Variants in PTPRD observed in about 807,000 individuals in gnomAD.
PTPRD encodes receptor-type tyrosine-protein phosphatase delta.
In PTPRD, 34 loss-of-function variants were observed where a neutral mutation model predicts 214.5. That is an observed-to-expected ratio of 0.16 (90% CI 0.12 to 0.21). The LOEUF is 0.21. Ranked by LOEUF, PTPRD falls within the 10% of genes least tolerant of loss-of-function variation. The pLI is 1.00. For missense variants in PTPRD, 2,545 were observed against 2,398.7 expected (o/e 1.06, Z -1.27); for synonymous variants, 1,128 against 845.7 (o/e 1.33, Z -5.79).
At position 10,186,499 on chromosome 9, in the gene PTPRD, T is replaced by A. The variant is rs1005765431; in HGVS notation, c.-544-152709A>T. 4.6e-5 allele frequency among the ~76,000 whole-genome samples: 7 copies of A among 152,148 alleles called. No homozygotes were observed. The East Asian group carries it at 1.3e-3, about 29-fold the overall frequency. On this transcript the variant is annotated intron_variant, in intron 3 of 45. Coordinates refer to ENST00000381196, the MANE Select transcript of PTPRD (RefSeq NM_002839.4). ...GATAGATGAAAGCATGAGGCTATTA[T>A]AACACAATGCATTTATCATCTTTAC...
At chr9:8,843,393 C>T (rs2097606403) in intron 11 of PTPRD, among the ~76,000 whole-genome samples, 1 of 152,156 alleles carries the variant, frequency 6.6e-6, no homozygotes, top group Admixed American at 6.5e-5. Flanking sequence ...TACATAAATG[C>T]TGTACACCTT....
intron 2 of PTPRD, among the ~76,000 whole-genome samples, chr9:10,522,359 T>C (rs906363454): frequency 6.6e-6 from 1 of 152,204 alleles, no homozygotes; most frequent in Admixed American, 6.5e-5. Context: ...GTGGTGCTTA[T>C]ATATGATAAT....
At chr9:10,503,208 C>A (rs10959126) in intron 2 of PTPRD, among the ~76,000 whole-genome samples, 63,019 of 116,118 alleles carry the variant, frequency 0.54, 17,705 homozygotes, top group South Asian at 0.71. Flanking sequence ...AAAAAAAAAA[C>A]AAAAAAAAAC....
chr9:9,930,734 ATTAT>A (rs2086206212), intron 5 of PTPRD, among the ~76,000 whole-genome samples: 1 of 152,140 alleles, frequency 6.6e-6, no homozygotes, highest in South Asian at 2.1e-4. Flanking sequence ...TGAAATATGT[ATTAT>A]TTATACTTTT....
intron 8 of PTPRD, among the ~76,000 whole-genome samples, chr9:9,443,963 A>G (rs369651772): frequency 6.6e-6 from 1 of 152,226 alleles, no homozygotes; most frequent in African/African-American, 2.4e-5. Context: ...TCTACTATAC[A>G]TAATGACAAT....
chr9:9,378,595 T>C (rs557189054), intron 9 of PTPRD, among the ~76,000 whole-genome samples: 1 of 152,280 alleles, frequency 6.6e-6, no homozygotes, highest in African/African-American at 2.4e-5. Context: ...CTGCAAGCTT[T>C]CTTCCTAAGT....
At chr9:9,985,300 T>G (rs781115231) in intron 4 of PTPRD, among the ~76,000 whole-genome samples, 2 of 152,334 alleles carry the variant, frequency 1.3e-5, no homozygotes, top group Middle Eastern at 3.4e-3. Context: ...TAATCACTCT[T>G]TTTTCATGAT....
chr9:9,823,989 G>A (rs999509554), intron 5 of PTPRD, among the ~76,000 whole-genome samples: 7 of 151,936 alleles, frequency 4.6e-5, no homozygotes, highest in South Asian at 4.2e-4. Flanking sequence ...CCATAAATAT[G>A]TACAACTATT....
At chr9:9,697,592 C>A (rs1203737681) in intron 7 of PTPRD, among the ~76,000 whole-genome samples, 1 of 151,888 alleles carries the variant, frequency 6.6e-6, no homozygotes, top group Non-Finnish European at 1.5e-5. Context: ...TGCTTCTTTT[C>A]TCTTGTTGCT....
At chr9:9,996,752 G>A (rs2096135001) in intron 4 of PTPRD, among the ~76,000 whole-genome samples, 1 of 152,162 alleles carries the variant, frequency 6.6e-6, no homozygotes. Flanking sequence ...GATTTCAGTG[G>A]CTTCATACGG....
At position 9,649,004 on chromosome 9, in the gene PTPRD, G is replaced by C. The variant is rs533104142; in HGVS notation, c.-286-74223C>G. Among the ~76,000 whole-genome samples the C allele has an allele frequency of 3.9e-5, 6 of 152,296 alleles. No homozygotes were observed. The East Asian group carries it at 5.8e-4, about 15-fold the overall frequency. On this transcript the variant is annotated intron_variant, in intron 7 of 45. Coordinates refer to ENST00000381196, the MANE Select transcript of PTPRD (RefSeq NM_002839.4). ...AGTGTCTGCATTTCTGGGAAACCAA[G>C]CAGAGGGGCCTTTGTGTTGAGGCCT...
rs553417673 is a variant in PTPRD, at chr9:8,370,121, T to C, written c.4661+5815A>G. 1.3e-3 allele frequency among the ~76,000 whole-genome samples: 193 copies of C among 151,976 alleles called. 3 individuals are homozygous for C. The highest frequency in any genetic ancestry group is 4.6e-4 in the Non-Finnish European group (31 of 67,940). On this transcript the variant is annotated intron_variant, in intron 39 of 45. Coordinates refer to ENST00000381196, the MANE Select transcript of PTPRD (RefSeq NM_002839.4). ...CTTAAGAAAATCTCAGTTTAATAAA[T>C]AGAAAGTTCTGCCCCAAAATCACAT...
At chr9:10,436,716 G>C (rs145438821) in intron 2 of PTPRD, among the ~76,000 whole-genome samples, 58 of 151,568 alleles carry the variant, frequency 3.8e-4, no homozygotes, top group African/African-American at 1.3e-3. Flanking sequence ...TTATTCTTCA[G>C]CTTGTCTCTA....
intron 5 of PTPRD, among the ~76,000 whole-genome samples, chr9:9,847,672 G>C (rs1360210703): frequency 6.6e-6 from 1 of 152,078 alleles, no homozygotes; most frequent in Non-Finnish European, 1.5e-5. Flanking sequence ...TAGCTTTCCA[G>C]GCAGGGCCAA....
intron 3 of PTPRD, among the ~76,000 whole-genome samples, chr9:10,076,194 G>A (rs774147058): frequency 6.6e-5 from 10 of 152,032 alleles, no homozygotes; most frequent in Non-Finnish European, 1.5e-4. Context: ...GTCTTGCACT[G>A]CCTGCCGCCT....
intron 3 of PTPRD, among the ~76,000 whole-genome samples, chr9:10,149,592 C>T (rs985857602): frequency 6.6e-6 from 1 of 152,174 alleles, no homozygotes; most frequent in African/African-American, 2.4e-5. Flanking sequence ...TGTTGGAATT[C>T]TAGACCTTTG....
intron 11 of PTPRD, among the ~76,000 whole-genome samples, chr9:8,996,636 T>C (rs559012911): frequency 6.6e-6 from 1 of 152,180 alleles, no homozygotes; most frequent in Admixed American, 6.6e-5. Flanking sequence ...ATTCAGTGTC[T>C]GGTGAGGGCC....
intron 7 of PTPRD, among the ~76,000 whole-genome samples, chr9:9,579,593 A>G (rs2090106902): frequency 6.6e-6 from 1 of 151,366 alleles, no homozygotes; most frequent in South Asian, 2.1e-4. Flanking sequence ...CCACCTCCAC[A>G]CCTCCTCTAA....
At chr9:9,923,668 G>T (rs767197977) in intron 5 of PTPRD, among the ~76,000 whole-genome samples, 71 of 152,092 alleles carry the variant, frequency 4.7e-4, no homozygotes, top group Middle Eastern at 3.4e-3. Context: ...ATAATTGTGA[G>T]CAAGAATAAT....
Sources: allele counts gnomAD v4.1 joint callset (sites outside exome capture counted in the v4.1 genomes callset), GRCh38; gene constraint gnomAD v4.1.1; transcripts MANE v1.5; gene names NCBI Gene and HGNC (gene_info 2026-07-23, HGNC 2026-07-21).